MAN2B2: variants seen among roughly 807,000 people sequenced by gnomAD.
MAN2B2 encodes the protein mannosidase alpha class 2B member 2.
MAN2B2 carries 106 observed loss-of-function variants against 117.1 expected under a neutral mutation model. The observed-to-expected ratio is 0.90, with a 90% CI of 0.77 to 1.06. MAN2B2 has a LOEUF of 1.06. Ranked by LOEUF, MAN2B2 falls within the 50% of genes least tolerant of loss-of-function variation. The pLI is 0.00. For missense variants in MAN2B2, 1,326 were observed against 1,381.4 expected (o/e 0.96, Z 0.64); for synonymous variants, 544 against 595.1 (o/e 0.91, Z 1.25).
intron 10 of MAN2B2, among the ~76,000 whole-genome samples, chr4:6,604,242 G>C (rs1246790469): frequency 6.6e-6 from 1 of 152,174 alleles, no homozygotes; most frequent in Non-Finnish European, 1.5e-5. Flanking sequence ...TCCTTCCCCA[G>C]TTGCAGCAGA....
chr4:6,597,231 G>A lies in MAN2B2; in HGVS notation c.1176G>A (p.Pro392=), dbSNP rs146552463. The change falls in exon 8 of 19, where the codon CCG becomes CCA. Residue 392 remains proline (P), a synonymous_variant. Transcript: ENST00000285599. ...GESMFTRYLW[P]APRGHLDPTW... is the part of the protein sequence containing the mutation. ...CCATGTTCACACGCTACCTGTGGCC[G>A]GCCCCCCGTGGGCATCTGGACCCCA... 2.4e-5 allele frequency: 38 copies of A among 1,605,500 alleles called. No individual in the cohort carries two copies. The highest frequency in any genetic ancestry group is 1.4e-4 in the Admixed American group (8 of 59,156).
rs143183950 is a variant in MAN2B2, at chr4:6,593,802, C to T, written c.858+452C>T. On this transcript the variant is annotated intron_variant, in intron 6 of 18. Transcript: ENST00000285599. Reference sequence around the variant, plus strand: ...ACCTGCTGTGTGCTGGGCACTGCCCCGTGGGATATATTTGTCTCAGCCATC... The same window carrying T: ...ACCTGCTGTGTGCTGGGCACTGCCCTGTGGGATATATTTGTCTCAGCCATC... Among the ~76,000 whole-genome samples the T allele has an allele frequency of 3.5e-3, 526 of 152,322 alleles. 3 individuals are homozygous for T. Among genetic ancestry groups the T allele is most frequent in the Admixed American group, 9.5e-3 (146 of 15,304 alleles).
Position 6,591,285 on chromosome 4 carries a change from G to T in MAN2B2, c.681-1888G>T, listed in dbSNP as rs370575959. 5.9e-5 allele frequency among the ~76,000 whole-genome samples: 9 copies of T among 152,262 alleles called. No individual in the cohort carries two copies. In the East Asian group the frequency reaches 1.2e-3, roughly 20 times the overall value. On this transcript the variant is annotated intron_variant, in intron 5 of 18. Transcript: ENST00000285599. ...CCCGTTCACCCCGTGGTGAGGGAGG[G>T]GTCCTCACCCTAAATGGTAGATGGT... is the stretch of plus-strand genomic sequence containing the variant.
intron 7 of MAN2B2, among the ~76,000 whole-genome samples, chr4:6,595,560 G>C (rs530752773): frequency 2.1e-3 from 314 of 152,332 alleles, no homozygotes; most frequent in Non-Finnish European, 3.5e-3. Context: ...GAGTGCAAAA[G>C]AACAGCCGGA....
rs192369560 is a variant in MAN2B2 at position 6,591,493 on chromosome 4, C to T, written c.681-1680C>T. Among the ~76,000 whole-genome samples the T allele has an allele frequency of 1.4e-4, 22 of 152,302 alleles. No individual in the cohort carries two copies. The East Asian group carries it at 2.7e-3, about 19-fold the overall frequency. On this transcript the variant is annotated intron_variant, in intron 5 of 18. Transcript: ENST00000285599. ...GGTGCCCTCCGACTCCTGCAGAGGA[C>T]GTGAGTGGCTCATTTGAATAATTTC...
chr4:6,621,195 CA>C lies in MAN2B2; in HGVS notation c.2941del (p.Thr981ProfsTer134). 1 of 1,613,752 alleles carries C rather than the reference CA, an allele frequency of 6.2e-7. No individual in the cohort carries two copies. Among genetic ancestry groups the C allele is most frequent in the Non-Finnish European group, 8.5e-7 (1 of 1,179,718 alleles). On this transcript the variant is annotated frameshift_variant, in exon 19 of 19. Transcript: ENST00000285599. LOFTEE classifies it low-confidence loss of function (END_TRUNC). ...TGPGRHRGDT[T>X]SPSRPPGGPI... is the part of the protein sequence containing the mutation. ...TCACCTCTGTTCCCCTAGGTGACAC[CA>C]CCTCTCCCTCGAGGCCACCAGGAGG... is the stretch of plus-strand genomic sequence containing the variant.
At chr4:6,613,479 G>A (rs1711680067) in intron 15 of MAN2B2, among the ~76,000 whole-genome samples, 1 of 152,026 alleles carries the variant, frequency 6.6e-6, no homozygotes, top group Admixed American at 6.6e-5. Context: ...GGAGGCTGAG[G>A]TGGGAGGATA....
At position 6,598,182 on chromosome 4, in the gene MAN2B2, C is replaced by G. The variant is rs1727178446; in HGVS notation, c.1249-16C>G. The G allele has an allele frequency of 1.9e-6, 3 of 1,611,302 alleles. No individual in the cohort carries two copies. Among genetic ancestry groups the G allele is most frequent in the African/African-American group, 2.7e-5 (2 of 75,044 alleles). ...GTCCTGATCCTGTTCTTCCTCCCCT[C>G]TGGGGGTTGCTGCAGGTCCAGCACC... On this transcript the variant is annotated splice_polypyrimidine_tract_variant and intron_variant, in intron 8 of 18. Transcript: ENST00000285599.
rs1560105436 is a variant in MAN2B2, at chr4:6,621,357, G to C, written c.*72G>C. 7 of 1,306,264 alleles carry C rather than the reference G, an allele frequency of 5.4e-6. No homozygotes were observed. In the South Asian group the frequency reaches 8.8e-5, roughly 16 times the overall value. The allele number at this position is 1,306,264 out of a possible 1,614,324, so 80.9% of individuals were successfully genotyped here. A position where few individuals can be genotyped will look rare whatever the true frequency, so the allele number is the denominator to read the frequency against. ...TGTAACAGAACAGACCCAGGACAGG[G>C]AAAAGCAGTGCGGAGGGATGGGACT... is the stretch of plus-strand genomic sequence containing the variant. On this transcript the variant is annotated 3_prime_UTR_variant, in exon 19 of 19. Coordinates refer to ENST00000285599, the MANE Select transcript of MAN2B2 (RefSeq NM_015274.3).
chr4:6,586,053 G>GTTTTTTTTTTTTTTTTTTTTTT (rs759999292), intron 3 of MAN2B2, among the ~76,000 whole-genome samples: 21 of 143,918 alleles, frequency 1.5e-4, no homozygotes, highest in African/African-American at 4.6e-4. Flanking sequence ...TTTTCTTGTG[G>GTTTTTTTTTTTTTTTTTTTTTT]TTTTTTTTTT....
chr4:6,584,274 G>A (rs1346619340), intron 3 of MAN2B2, among the ~76,000 whole-genome samples: 1 of 152,174 alleles, frequency 6.6e-6, no homozygotes, highest in Non-Finnish European at 1.5e-5. Flanking sequence ...TTTGGGACTG[G>A]TTCTGCAGTA....
Position 6,611,243 on chromosome 4 carries a change from A to G in MAN2B2, c.2528A>G (p.Gln843Arg), listed in dbSNP as rs757626139. The stretch of plus-strand genomic sequence containing the variant: ...CGCCAGAGGAGCGCACTGGCGCTGC[A>G]GCACAGGCCCGTGGTGCTGTTCGGA... ...ALRQRSALAL[Q>R]HRPVVLFGDL... Residue 843 changes from glutamine (Q) to arginine (R), a missense_variant, in exon 15 of 19, where the codon CAG (glutamine) becomes CGG (arginine). Physicochemically the swap from Gln to Arg is conservative, Grantham distance 43. Transcript: ENST00000285599. 6.2e-7 allele frequency: 1 copy of G among 1,612,704 alleles called. No homozygotes were observed. The highest frequency in any genetic ancestry group is 2.2e-5 in the East Asian group (1 of 44,870).
chr4:6,600,214 C>G (rs1577285852), intron 9 of MAN2B2, among the ~76,000 whole-genome samples: 1 of 152,216 alleles, frequency 6.6e-6, no homozygotes, highest in Admixed American at 6.5e-5. Flanking sequence ...CCAGAGAATT[C>G]TCTGGTGGCT....
chr4:6,590,032 A>C lies in MAN2B2; in HGVS notation c.680+872A>C, dbSNP rs1484079775. On this transcript the variant is annotated intron_variant, in intron 5 of 18. Transcript: ENST00000285599. The stretch of plus-strand genomic sequence containing the variant: ...CAGTGAGCTCTGATGGTACCACTGC[A>C]CTCCAGCCTGGGCAACAGAGTGAGA... Among the ~76,000 whole-genome samples the C allele has an allele frequency of 2.0e-5, 3 of 151,682 alleles. No individual in the cohort carries two copies. The East Asian group carries it at 5.8e-4, about 29-fold the overall frequency.
chr4:6,609,813 G>A lies in MAN2B2; in HGVS notation c.2022G>A (p.Gln674=), dbSNP rs200238123. ...RQYFYRNMTA[Q]NYTYAIRSRL... is the part of the protein sequence containing the mutation. The stretch of plus-strand genomic sequence containing the variant: ...TCTCCTCCAGGAACATGACAGCACA[G>A]AATTACACGTATGCAATCCGCTCCC... Residue 674 remains glutamine (Q), a synonymous_variant, in exon 13 of 19, where the codon CAG becomes CAA. Transcript: ENST00000285599. The A allele has an allele frequency of 6.2e-7, 1 of 1,613,430 alleles. No homozygotes were observed. Among genetic ancestry groups the A allele is most frequent in the Non-Finnish European group, 8.5e-7 (1 of 1,179,700 alleles).
rs1727669596 is a variant in MAN2B2 at position 6,609,266 on chromosome 4, G to A, written c.1974G>A (p.Gln658=). Residue 658 remains glutamine, a synonymous_variant, in exon 12 of 19, where the codon CAG becomes CAA. Transcript: ENST00000285599. ...EAVEMEIVAG[Q]LVTEIRQYFY... ...TGGAAATGGAGATTGTGGCGGGACAGCTTGTGACTGAGATCCGGCAGTACT... is the reference window on the plus strand; with the variant it reads ...TGGAAATGGAGATTGTGGCGGGACAACTTGTGACTGAGATCCGGCAGTACT... The A allele has an allele frequency of 6.2e-7, 1 of 1,613,984 alleles. No individual in the cohort carries two copies. The highest frequency in any genetic ancestry group is 1.7e-5 in the Admixed American group (1 of 60,012).
intron 16 of MAN2B2, among the ~76,000 whole-genome samples, chr4:6,617,075 G>A (rs142791351): frequency 0.013 from 1,983 of 152,284 alleles, 40 homozygotes; most frequent in African/African-American, 0.045. Flanking sequence ...GCAAGAGAGC[G>A]TGTGCAGGGG....
In MAN2B2 at chr4:6,617,492, G is replaced by A. The variant is rs770449556; in HGVS notation, c.2814G>A (p.Glu938=). The A allele has an allele frequency of 6.8e-6, 11 of 1,614,016 alleles. No homozygotes were observed. The highest frequency in any genetic ancestry group is 9.3e-6 in the Non-Finnish European group (11 of 1,179,956). Residue 938 remains glutamate, a splice_region_variant and synonymous_variant, in exon 17 of 19, where the codon GAG becomes GAA. Coordinates refer to ENST00000285599, the MANE Select transcript of MAN2B2 (RefSeq NM_015274.3). The part of the protein sequence containing the change: ...VLSQPVTVNL[E]AVLQALGSVV... ...CTCAGCCAGTGACAGTGAATCTGGAGGTGAACTTCCCCACCCCCATCCAGA... is the reference window on the plus strand; with the variant it reads ...CTCAGCCAGTGACAGTGAATCTGGAAGTGAACTTCCCCACCCCCATCCAGA...
In MAN2B2 at chr4:6,609,122, G is replaced by C; in HGVS notation, c.1830G>C (p.Thr610=). Residue 610 remains threonine, a synonymous_variant, in exon 12 of 19, where the codon ACG becomes ACC. Coordinates refer to ENST00000285599, the MANE Select transcript of MAN2B2 (RefSeq NM_015274.3). The part of the protein sequence containing the change: ...HSIWERQSNR[T]VRVTQEFLEY... ...GCCTCTGCAGACAGAGTAACCGAACGGTGCGCGTGACCCAGGAATTCCTGG... is the reference window on the plus strand; with the variant it reads ...GCCTCTGCAGACAGAGTAACCGAACCGTGCGCGTGACCCAGGAATTCCTGG... 6.2e-7 allele frequency: 1 copy of C among 1,613,912 alleles called. No individual in the cohort carries two copies. Among genetic ancestry groups the C allele is most frequent in the Non-Finnish European group, 8.5e-7 (1 of 1,179,892 alleles).
Sources: allele counts gnomAD v4.1 joint callset (sites outside exome capture counted in the v4.1 genomes callset), GRCh38; gene constraint gnomAD v4.1.1; transcripts MANE v1.5; gene names NCBI Gene and HGNC (gene_info 2026-07-23, HGNC 2026-07-21).